ANK3: variants seen among roughly 807,000 people sequenced by gnomAD.
ANK3 encodes the protein ankyrin-3.
A neutral mutation model predicts 370.9 loss-of-function variants in ANK3; 57 were observed. The ratio of observed to expected loss-of-function variants is 0.15; its 90% CI spans 0.12 to 0.19. The LOEUF (loss-of-function observed/expected upper bound fraction) is 0.19. ANK3 is among the 10% of genes least tolerant of loss of function. The pLI, the probability that ANK3 is intolerant of heterozygous loss-of-function variation, is 1.00. For synonymous variants in ANK3, 1,929 were observed against 1,946.3 expected, an observed-to-expected ratio of 0.99 and a Z score of 0.23; for missense variants, 4,439 against 5,302.1, an observed-to-expected ratio of 0.84 and a Z score of 5.06.
chr10:60,573,380 C>CAACT (rs978553830), intron 2 of ANK3, among the ~76,000 whole-genome samples: 7 of 151,888 alleles, frequency 4.6e-5, no homozygotes, highest in Admixed American at 4.6e-4. Context: ...ACCAACCAAC[C>CAACT]AACTAACAAG....
chr10:60,525,274 T>G (rs1283821448), intron 2 of ANK3, among the ~76,000 whole-genome samples: 2 of 152,052 alleles, frequency 1.3e-5, no homozygotes, highest in Admixed American at 1.3e-4. Flanking sequence ...CCAGAAACCA[T>G]GTAAAAATGT....
intron 1 of ANK3, among the ~76,000 whole-genome samples, chr10:60,646,179 A>G (rs985147657): frequency 3.5e-4 from 54 of 152,278 alleles, no homozygotes; most frequent in African/African-American, 1.3e-3. Flanking sequence ...AAAAAAAGCT[A>G]TCTGGTTAGA....
At chr10:60,135,959 A>G (rs938905447) in intron 24 of ANK3, among the ~76,000 whole-genome samples, 1 of 151,840 alleles carries the variant, frequency 6.6e-6, no homozygotes, top group Non-Finnish European at 1.5e-5. Flanking sequence ...TATTTAATGT[A>G]TTCAGCAAAA....
chr10:60,565,408 G>A (rs144795684), intron 2 of ANK3, among the ~76,000 whole-genome samples: 17 of 112,378 alleles, frequency 1.5e-4, no homozygotes, highest in Admixed American at 3.0e-4. Flanking sequence ...GCCACTGTGC[G>A]GCCCGGTTCC....
At chr10:60,113,023 C>G (rs1467061483) in intron 26 of ANK3, among the ~76,000 whole-genome samples, 1 of 151,878 alleles carries the variant, frequency 6.6e-6, no homozygotes, top group Non-Finnish European at 1.5e-5. Context: ...TTTGAATTAC[C>G]CAAAGATGAA....
intron 42 of ANK3, chr10:60,043,877 TAA>T (rs36020591): frequency 6.3e-4 from 579 of 918,198 alleles, no homozygotes; most frequent in Admixed American, 4.0e-3. Context: ...TGAAGACAGT[TAA>T]AAAAAAAAAG....
At chr10:60,652,710 A>C (rs1268903321) in intron 1 of ANK3, among the ~76,000 whole-genome samples, 2 of 151,144 alleles carry the variant, frequency 1.3e-5, no homozygotes, top group Non-Finnish European at 3.0e-5. Context: ...AAAAAAAAAA[A>C]CTAAACTGGG....
At chr10:60,187,688 T>C (rs1261716162) in intron 16 of ANK3, among the ~76,000 whole-genome samples, 1 of 152,188 alleles carries the variant, frequency 6.6e-6, no homozygotes, top group African/African-American at 2.4e-5. Context: ...TGCTTACAAG[T>C]TGAAATTTTT....
Position 60,068,963 on chromosome 10 carries a change from G to T in ANK3, c.11918C>A (p.Thr3973Asn), listed in dbSNP as rs1240079115. ...TTTATTTTTT[T>N]TTTTTSCTVK... ...TGTGCAGCTGGTGGTGGTGGTAGTGGTGGTAGTGGTGGTGGTGGTGGCAGT... is the reference window on the plus strand; with the variant it reads ...TGTGCAGCTGGTGGTGGTGGTAGTGTTGGTAGTGGTGGTGGTGGTGGCAGT... Residue 3973 changes from threonine to asparagine, a missense_variant, in exon 37 of 44, where the codon ACC (threonine) becomes AAC (asparagine). Thr to Asn is a moderately conservative substitution (Grantham distance 65). Around this residue, in one of 13 missense-constraint regions of ANK3, gnomAD observed 496 missense variants for 529.3 expected, o/e 0.94. Transcript: ENST00000280772. 6.2e-7 allele frequency: 1 copy of T among 1,613,744 alleles called. No individual in the cohort carries two copies. Among genetic ancestry groups the T allele is most frequent in the East Asian group, 2.2e-5 (1 of 44,838 alleles).
intron 16 of ANK3, among the ~76,000 whole-genome samples, chr10:60,187,384 T>C (rs1157474804): frequency 2.6e-5 from 4 of 152,118 alleles, no homozygotes; most frequent in Non-Finnish European, 5.9e-5. Context: ...CTCCATCTCC[T>C]GACCTCGTGA....
intron 23 of ANK3, among the ~76,000 whole-genome samples, chr10:60,163,048 C>T (rs1174615561): frequency 1.3e-5 from 2 of 152,144 alleles, no homozygotes; most frequent in Admixed American, 1.3e-4. Context: ...ACGCCAAACT[C>T]AATCACTTGA....
intron 16 of ANK3, among the ~76,000 whole-genome samples, chr10:60,191,133 T>C (rs1380192414): frequency 6.6e-6 from 1 of 152,128 alleles, no homozygotes; most frequent in Non-Finnish European, 1.5e-5. Context: ...ATATGAACTC[T>C]AGAAGAAACC....
chr10:60,427,371 A>G (rs1043748141), intron 2 of ANK3, among the ~76,000 whole-genome samples: 2 of 152,156 alleles, frequency 1.3e-5, no homozygotes, highest in South Asian at 4.1e-4. Flanking sequence ...GTGAAAGCCC[A>G]GGGATGTTCA....
chr10:60,168,608 C>A (rs1172628881), intron 21 of ANK3, among the ~76,000 whole-genome samples: 1 of 152,062 alleles, frequency 6.6e-6, no homozygotes, highest in Non-Finnish European at 1.5e-5. Flanking sequence ...CATAGGTAAA[C>A]AAATGTGTGC....
intron 7 of ANK3, among the ~76,000 whole-genome samples, chr10:60,240,115 TATAC>T (rs1201757372): frequency 1.7e-5 from 2 of 119,870 alleles, no homozygotes; most frequent in Non-Finnish European, 3.4e-5. Context: ...AATACATATA[TATAC>T]ACACATATAT....
chr10:60,121,378 CAAAAAAA>C (rs201473806), intron 25 of ANK3, among the ~76,000 whole-genome samples: 1 of 135,520 alleles, frequency 7.4e-6, no homozygotes. Context: ...TAAAATGCAC[CAAAAAAA>C]AAAAAAAAAA....
chr10:60,037,832 A>G (rs2075366010), intron 43 of ANK3, among the ~76,000 whole-genome samples: 1 of 152,168 alleles, frequency 6.6e-6, no homozygotes, highest in African/African-American at 2.4e-5. Context: ...GCTGGGTTGA[A>G]CGGTCGTTCT....
chr10:60,601,187 A>ACACG (rs897105018), intron 2 of ANK3, among the ~76,000 whole-genome samples: 3 of 151,696 alleles, frequency 2.0e-5, no homozygotes, highest in African/African-American at 4.8e-5. Flanking sequence ...ACACACACAC[A>ACACG]CACACACACA....
At chr10:60,327,572 G>A (rs908831425) in intron 1 of ANK3, among the ~76,000 whole-genome samples, 3 of 152,190 alleles carry the variant, frequency 2.0e-5, no homozygotes, top group Non-Finnish European at 4.4e-5. Context: ...AAAAGAATAA[G>A]GGTGAGGATA....
Sources: allele counts gnomAD v4.1 joint callset (sites outside exome capture counted in the v4.1 genomes callset), GRCh38; gene constraint gnomAD v4.1.1; regional missense constraint gnomAD v4.1.1; transcripts MANE v1.5; gene names NCBI Gene and HGNC (gene_info 2026-07-23, HGNC 2026-07-21).